The following REG1A variants were observed in gnomAD, a reference collection of about 807,000 sequenced individuals.
The protein encoded by REG1A is lithostathine-1-alpha.
REG1A carries 20 observed loss-of-function variants against 20.7 expected under a neutral mutation model. The ratio of observed to expected loss-of-function variants is 0.97; its 90% CI spans 0.68 to 1.41. The LOEUF (loss-of-function observed/expected upper bound fraction) is 1.41. Ranked by LOEUF, REG1A falls within the 40% of genes most tolerant of loss-of-function variation. REG1A has a pLI of 0.00. For missense variants in REG1A, 193 were observed against 201.8 expected (o/e 0.96, Z 0.26); for synonymous variants, 90 against 71.6 (o/e 1.26, Z -1.30).
At chr2:79,122,708 G>T in intron 4 of REG1A, 133 bp from the exon 5 acceptor site, 1 of 692,954 alleles carries the variant, frequency 1.4e-6, no homozygotes, top group South Asian at 1.8e-5. Flanking sequence ...CAATAGCAAA[G>T]GAAAGGAAAC....
At chr2:79,120,784 C>G in intron 1 of REG1A, 32 bp from the exon 2 acceptor site, 1 of 1,199,262 alleles carries the variant, frequency 8.3e-7, no homozygotes. Flanking sequence ...CTCTCCATCT[C>G]TCAGAACCCC....
intron 3 of REG1A, 23 bp from the exon 4 acceptor site, chr2:79,121,965 T>G: frequency 1.9e-6 from 3 of 1,612,328 alleles, no homozygotes; most frequent in South Asian, 2.2e-5. Flanking sequence ...CTCCACTGAG[T>G]GCTCCATTTT....
intron 5 of REG1A, 96 bp downstream of exon 5, chr2:79,123,048 A>C (rs1299747527): frequency 7.0e-7 from 1 of 1,432,990 alleles, no homozygotes; most frequent in Admixed American, 1.7e-5. Flanking sequence ...TGAACTCCTC[A>C]TTAAGGAAAT....
chr2:79,122,882 C>A lies in REG1A; in HGVS notation c.363C>A (p.Tyr121Ter), dbSNP rs1187808143. ...WHWSSGSLVSYKSWGIGAPSS... is the reference protein window; with the variant it reads ...WHWSSGSLVS ...GGAGCAGTGGGTCCCTGGTCTCCTA[C>A]AAGTCCTGGGGCATTGGAGCCCCAA... Residue 121 changes from tyrosine (Y) to a stop codon, truncating the protein, a stop_gained, in exon 5 of 6, where the codon TAC becomes TAA. Coordinates refer to ENST00000233735, the MANE Select transcript of REG1A (RefSeq NM_002909.5). LOFTEE classifies it high-confidence loss of function. 2 of 1,613,790 alleles carry A rather than the reference C, an allele frequency of 1.2e-6. No individual in the cohort carries two copies. The highest frequency in any genetic ancestry group is 1.3e-5 in the African/African-American group (1 of 74,918).
At chr2:79,121,888 A>G (rs986392962) in intron 3 of REG1A, 100 bp from the exon 4 acceptor site, 1 of 1,502,312 alleles carries the variant, frequency 6.7e-7, no homozygotes, top group East Asian at 2.3e-5. Flanking sequence ...CATCACGGAC[A>G]TTACTCTGCT....
chr2:79,120,795 C>A, intron 1 of REG1A, 21 bp from the exon 2 acceptor site: 1 of 1,284,048 alleles, frequency 7.8e-7, no homozygotes, highest in Non-Finnish European at 1.1e-6. Flanking sequence ...TCAGAACCCC[C>A]TTCTCTGTGT....
At chr2:79,122,270 T>G in intron 4 of REG1A, 145 bp downstream of exon 4, 1 of 790,274 alleles carries the variant, frequency 1.3e-6, no homozygotes. Flanking sequence ...TGTAGCAAGG[T>G]GCACTGTAGA....
intron 3 of REG1A, 43 bp downstream of exon 3, chr2:79,121,723 A>T: frequency 6.4e-7 from 1 of 1,571,140 alleles, no homozygotes; most frequent in South Asian, 1.1e-5. Context: ...TCATGAAGGG[A>T]GGGGAAGCTG....
At chr2:79,122,621 C>A (rs188564621) in intron 4 of REG1A, among the ~76,000 whole-genome samples, 1 of 152,172 alleles carries the variant, frequency 6.6e-6, no homozygotes, top group East Asian at 1.9e-4. Flanking sequence ...TACTTTGGGT[C>A]TCTGTCAAAT....
chr2:79,122,334 G>C (rs1244630464), intron 4 of REG1A: 12 of 541,008 alleles, frequency 2.2e-5, no homozygotes. Context: ...TGTCATTCAT[G>C]AATAAACTTA....
chr2:79,123,359 C>A lies in REG1A; in HGVS notation c.*144C>A. 1.8e-6 allele frequency: 1 copy of A among 564,442 alleles called. No individual in the cohort carries two copies. Among genetic ancestry groups the A allele is most frequent in the Non-Finnish European group, 3.2e-6 (1 of 313,224 alleles). The allele number at this position is 564,442 out of a possible 1,614,324, so 35.0% of individuals were successfully genotyped here. A position where few individuals can be genotyped will look rare whatever the true frequency, so the allele number is the denominator to read the frequency against. On this transcript the variant is annotated 3_prime_UTR_variant, in exon 6 of 6. Coordinates refer to ENST00000233735, the MANE Select transcript of REG1A (RefSeq NM_002909.5). ...CCTTGTTAATCTTCAATAGTTTTAC[C>A]TACCCCAGTCTTTGGAACCCTAAAT...
chr2:79,121,019 G>T (rs1305769094), intron 2 of REG1A, 94 bp downstream of exon 2: 2 of 807,954 alleles, frequency 2.5e-6, no homozygotes, highest in Non-Finnish European at 3.9e-6. Flanking sequence ...AAAAAAAAAA[G>T]CAGAGTCACT....
chr2:79,120,991 A>C, intron 2 of REG1A, 66 bp downstream of exon 2: 1 of 1,261,770 alleles, frequency 7.9e-7, no homozygotes, highest in Non-Finnish European at 1.1e-6. Context: ...CCCCAAGCAT[A>C]CGGGTCTACT....
At chr2:79,120,746 G>A (rs988222605) in intron 1 of REG1A, 70 bp from the exon 2 acceptor site, 23 of 671,920 alleles carry the variant, frequency 3.4e-5, no homozygotes, top group African/African-American at 2.9e-4. Context: ...TCTGAGAGGA[G>A]GTTTTAAGGA....
chr2:79,123,136 A>T lies in REG1A; in HGVS notation c.434-12A>T. 6.2e-7 allele frequency: 1 copy of T among 1,602,802 alleles called. No homozygotes were observed. The highest frequency in any genetic ancestry group is 8.5e-7 in the Non-Finnish European group (1 of 1,171,768). On this transcript the variant is annotated splice_polypyrimidine_tract_variant and intron_variant, in intron 5 of 5. Coordinates refer to ENST00000233735, the MANE Select transcript of REG1A (RefSeq NM_002909.5). Reference sequence around the variant, plus strand: ...GGGTCTCCCAGTTGTAACTCTTCTCATTGACTTATAGGATTCCAGAAATGG... The same window carrying T: ...GGGTCTCCCAGTTGTAACTCTTCTCTTTGACTTATAGGATTCCAGAAATGG...
Position 79,121,059 on chromosome 2 carries a change from T to C in REG1A, c.64+134T>C, listed in dbSNP as rs980798563. The stretch of plus-strand genomic sequence containing the variant: ...AGGGTTGTTTTGTGGTGTTTAGTGA[T>C]CTTTATTGCTGATCTCTTCACATTT... On this transcript the variant is annotated intron_variant, in intron 2 of 5. Coordinates refer to ENST00000233735, the MANE Select transcript of REG1A (RefSeq NM_002909.5). 6.1e-6 allele frequency: 4 copies of C among 650,444 alleles called. No homozygotes were observed. In the Admixed American group the frequency reaches 1.1e-4, roughly 18 times the overall value. The allele number at this position is 650,444 out of a possible 1,614,324, so 40.3% of individuals were successfully genotyped here. A position where few individuals can be genotyped will look rare whatever the true frequency, so the allele number is the denominator to read the frequency against.
At chr2:79,121,966 G>T in intron 3 of REG1A, 22 bp from the exon 4 acceptor site, 1 of 1,612,498 alleles carries the variant, frequency 6.2e-7, no homozygotes, top group African/African-American at 1.3e-5. Context: ...TCCACTGAGT[G>T]CTCCATTTTC....
At position 79,120,981 on chromosome 2, in the gene REG1A, C is replaced by T. The variant is rs1044394293; in HGVS notation, c.64+56C>T. ...TCTAGCCCTGAAGACTTCACTCTAT[C>T]CCCAAGCATACGGGTCTACTTGAAA... On this transcript the variant is annotated intron_variant, in intron 2 of 5. Transcript: ENST00000233735. 7 of 1,406,526 alleles carry T rather than the reference C, an allele frequency of 5.0e-6. No individual in the cohort carries two copies. In the Admixed American group the frequency reaches 5.6e-5, roughly 11 times the overall value. The allele number at this position is 1,406,526 out of a possible 1,614,324, so 87.1% of individuals were successfully genotyped here.
At position 79,122,126 on chromosome 2, in the gene REG1A, G is replaced by T. The variant is rs764212170; in HGVS notation, c.321+1G>T. On this transcript the variant is annotated splice_donor_variant, in intron 4 of 5. Coordinates refer to ENST00000233735, the MANE Select transcript of REG1A (RefSeq NM_002909.5). LOFTEE classifies it high-confidence loss of function. ...GATTGGCCTCCATGACCCCAAAAAG[G>T]TAGGCTGCAGCCTTCTTTATCTCCT... The T allele has an allele frequency of 6.2e-7, 1 of 1,613,786 alleles. No homozygotes were observed. Among genetic ancestry groups the T allele is most frequent in the Admixed American group, 1.7e-5 (1 of 59,958 alleles).
Sources: gnomAD v4.1 joint callset for allele counts (sites outside exome capture counted in the v4.1 genomes callset) on GRCh38, gnomAD v4.1.1 for gene constraint, MANE v1.5 for transcripts, NCBI Gene and HGNC (gene_info 2026-07-23, HGNC 2026-07-21) for gene names.